EXT1: variants seen among roughly 807,000 people sequenced by gnomAD.
The protein encoded by EXT1 is exostosin-1.
EXT1 carries 20 observed loss-of-function variants against 82.5 expected under a neutral mutation model. That is an observed-to-expected ratio of 0.24 (90% CI 0.17 to 0.35). The LOEUF is 0.35. EXT1 is among the 10% of genes least tolerant of loss of function. The pLI is 1.00. For synonymous variants in EXT1, 348 were observed against 350.8 expected (o/e 0.99, Z 0.09); for missense variants, 757 against 936.5 (o/e 0.81, Z 2.50).
chr8:118,108,809 C>T (rs980595500), intron 1 of EXT1, among the ~76,000 whole-genome samples: 10 of 152,200 alleles, frequency 6.6e-5, no homozygotes, highest in African/African-American at 2.2e-4. Flanking sequence ...CAGTTTCCCA[C>T]CATACCCCTT....
intron 1 of EXT1, among the ~76,000 whole-genome samples, chr8:118,055,479 C>T (rs1414774538): frequency 3.3e-5 from 5 of 152,162 alleles, no homozygotes; most frequent in Admixed American, 3.3e-4. Flanking sequence ...TTAAAATCCA[C>T]CTCTATCTGA....
chr8:118,087,763 G>A (rs921686929), intron 1 of EXT1, among the ~76,000 whole-genome samples: 2 of 152,088 alleles, frequency 1.3e-5, no homozygotes, highest in Non-Finnish European at 1.5e-5. Flanking sequence ...ACATATTAAT[G>A]TACAAAGAGA....
chr8:117,901,198 T>C (rs1408334178), intron 1 of EXT1, among the ~76,000 whole-genome samples: 1 of 152,136 alleles, frequency 6.6e-6, no homozygotes, highest in Non-Finnish European at 1.5e-5. Flanking sequence ...TATCATAGAG[T>C]GTACTCACGC....
intron 1 of EXT1, among the ~76,000 whole-genome samples, chr8:117,838,240 T>C (rs981589437): frequency 1.3e-5 from 2 of 152,222 alleles, no homozygotes; most frequent in South Asian, 2.1e-4. Flanking sequence ...AGGTGTGACT[T>C]TGACAGTAGC....
At chr8:118,083,114 TCTC>T (rs2129985396) in intron 1 of EXT1, among the ~76,000 whole-genome samples, 1 of 152,220 alleles carries the variant, frequency 6.6e-6, no homozygotes, top group South Asian at 2.1e-4. Context: ...AACAGACATA[TCTC>T]CTCATTTTAA....
intron 1 of EXT1, among the ~76,000 whole-genome samples, chr8:118,040,567 G>C (rs563085201): frequency 6.6e-6 from 1 of 152,196 alleles, no homozygotes; most frequent in African/African-American, 2.4e-5. Flanking sequence ...GCAGACAACA[G>C]TGGGGTCCTT....
At chr8:118,077,572 G>A (rs1817234184) in intron 1 of EXT1, among the ~76,000 whole-genome samples, 1 of 152,102 alleles carries the variant, frequency 6.6e-6, no homozygotes, top group African/African-American at 2.4e-5. Context: ...AATAACATTT[G>A]TGGAATGAAA....
intron 1 of EXT1, among the ~76,000 whole-genome samples, chr8:117,920,391 C>T (rs1032411272): frequency 2.6e-5 from 4 of 152,150 alleles, no homozygotes; most frequent in East Asian, 1.9e-4. Flanking sequence ...CATGAGCCAC[C>T]GCACCTGGCC....
intron 1 of EXT1, among the ~76,000 whole-genome samples, chr8:117,929,463 A>G (rs1329042278): frequency 6.6e-6 from 1 of 152,240 alleles, no homozygotes; most frequent in African/African-American, 2.4e-5. Flanking sequence ...GTCCGTTGCC[A>G]TGCTCACAGA....
chr8:118,045,939 G>A (rs1816615672), intron 1 of EXT1, among the ~76,000 whole-genome samples: 1 of 151,916 alleles, frequency 6.6e-6, no homozygotes. Flanking sequence ...GAAATTAGAG[G>A]CACATATCAC....
At chr8:118,026,257 G>C (rs1224204217) in intron 1 of EXT1, among the ~76,000 whole-genome samples, 3 of 152,176 alleles carry the variant, frequency 2.0e-5, no homozygotes, top group Non-Finnish European at 4.4e-5. Context: ...GCTGGCTAAG[G>C]TGAGGGCTAA....
chr8:118,096,618 A>G (rs112249607), intron 1 of EXT1, among the ~76,000 whole-genome samples: 85 of 29,290 alleles, frequency 2.9e-3, no homozygotes, highest in Admixed American at 1.6e-3. Context: ...GAAGGAAGGA[A>G]GGAGGAAGGA....
intron 10 of EXT1, among the ~76,000 whole-genome samples, chr8:117,801,750 C>T (rs1456992190): frequency 6.6e-6 from 1 of 152,170 alleles, no homozygotes; most frequent in Non-Finnish European, 1.5e-5. Flanking sequence ...AAGCAATCCA[C>T]CTGCTCTGGC....
Position 117,819,805 on chromosome 8 carries a change from A to G in EXT1, c.1418-11T>C. ...AGGGGGGCTTTAAACCTGAAATAAA[A>G]AGGAGAGTAGAGCCTAATGAAGCGC... On this transcript the variant is annotated splice_polypyrimidine_tract_variant and intron_variant, in intron 5 of 10. Transcript: ENST00000378204. 6.2e-7 allele frequency: 1 copy of G among 1,610,170 alleles called. No individual in the cohort carries two copies. The highest frequency in any genetic ancestry group is 8.5e-7 in the Non-Finnish European group (1 of 1,176,958).
chr8:117,879,522 A>AT (rs1471248182), intron 1 of EXT1, among the ~76,000 whole-genome samples: 1 of 152,142 alleles, frequency 6.6e-6, no homozygotes, highest in East Asian at 1.9e-4. Flanking sequence ...CCTGAGATCC[A>AT]CATGGTACTT....
intron 1 of EXT1, among the ~76,000 whole-genome samples, chr8:117,931,976 C>T (rs1389644440): frequency 6.6e-6 from 1 of 152,180 alleles, no homozygotes; most frequent in Non-Finnish European, 1.5e-5. Flanking sequence ...GAAAATAAGT[C>T]AAGTGAATGC....
intron 1 of EXT1, among the ~76,000 whole-genome samples, chr8:117,969,892 A>G (rs1157842907): frequency 2.0e-5 from 3 of 152,246 alleles, no homozygotes; most frequent in Non-Finnish European, 2.9e-5. Context: ...AGGGTCACTG[A>G]CAGGATTGAA....
At chr8:118,008,327 T>C (rs1815823196) in intron 1 of EXT1, among the ~76,000 whole-genome samples, 1 of 152,130 alleles carries the variant, frequency 6.6e-6, no homozygotes, top group African/African-American at 2.4e-5. Context: ...TGAGGTGATC[T>C]TAGCTCCCTG....
intron 1 of EXT1, among the ~76,000 whole-genome samples, chr8:118,035,844 C>A (rs977117227): frequency 6.6e-6 from 1 of 152,190 alleles, no homozygotes; most frequent in Non-Finnish European, 1.5e-5. Context: ...ATGATAGCTC[C>A]TTTATGAGTT....
Sources: allele counts gnomAD v4.1 joint callset (sites outside exome capture counted in the v4.1 genomes callset), GRCh38; gene constraint gnomAD v4.1.1; transcripts MANE v1.5; gene names NCBI Gene and HGNC (gene_info 2026-07-23, HGNC 2026-07-21).